C10orf90: variants seen among roughly 807,000 people sequenced by gnomAD.
The protein encoded by C10orf90 is chromosome 10 open reading frame 90.
A neutral mutation model predicts 62.5 loss-of-function variants in C10orf90; 56 were observed. The observed-to-expected ratio is 0.90, with a 90% CI of 0.72 to 1.12. The LOEUF is 1.12. Ranked by LOEUF, C10orf90 falls within the 50% of genes most tolerant of loss-of-function variation. C10orf90 has a pLI of 0.00. For synonymous variants in C10orf90, 386 were observed against 340.4 expected (o/e 1.13, Z -1.47); for missense variants, 970 against 880.4 (o/e 1.10, Z -1.29).
chr10:126,454,259 A>G (rs7070839), intron 7 of C10orf90, among the ~76,000 whole-genome samples: 110,492 of 151,566 alleles, frequency 0.73, 40,818 homozygotes, highest in East Asian at 0.92. Context: ...TGACTTGCAG[A>G]AGATGTATCC....
At chr10:126,590,993 G>A (rs935261514) in intron 2 of C10orf90, among the ~76,000 whole-genome samples, 6 of 152,038 alleles carry the variant, frequency 3.9e-5, no homozygotes, top group Non-Finnish European at 8.8e-5. Context: ...GACTGAACCA[G>A]AAAAAGACTG....
chr10:126,617,987 C>A (rs999044428), intron 2 of C10orf90, among the ~76,000 whole-genome samples: 1 of 152,128 alleles, frequency 6.6e-6, no homozygotes, highest in African/African-American at 2.4e-5. Flanking sequence ...TTATTGAGTG[C>A]CCATAATGGA....
intron 2 of C10orf90, among the ~76,000 whole-genome samples, chr10:126,546,184 G>A (rs1864486805): frequency 6.6e-6 from 1 of 152,180 alleles, no homozygotes; most frequent in Non-Finnish European, 1.5e-5. Context: ...AAAACTTTCA[G>A]ACAATAACCA....
At chr10:126,527,466 G>A (rs541745516) in intron 2 of C10orf90, among the ~76,000 whole-genome samples, 4 of 152,256 alleles carry the variant, frequency 2.6e-5, no homozygotes, top group African/African-American at 9.6e-5. Flanking sequence ...CCCTACCCCT[G>A]CCAATGAGTG....
At chr10:126,531,124 A>G (rs1864082196) in intron 2 of C10orf90, among the ~76,000 whole-genome samples, 1 of 151,592 alleles carries the variant, frequency 6.6e-6, no homozygotes, top group Admixed American at 6.6e-5. Flanking sequence ...CAGTGAGCTG[A>G]GATCACATCA....
chr10:126,598,687 C>G (rs945377451), intron 2 of C10orf90, among the ~76,000 whole-genome samples: 1 of 152,160 alleles, frequency 6.6e-6, no homozygotes, highest in African/African-American at 2.4e-5. Context: ...AGGAAGCAAT[C>G]ATCAACTCAC....
intron 4 of C10orf90, among the ~76,000 whole-genome samples, chr10:126,470,800 GAAGAA>G (rs1436993717): frequency 4.0e-5 from 6 of 151,384 alleles, no homozygotes; most frequent in East Asian, 1.9e-4. Context: ...GAAAGAGAGA[GAAGAA>G]AAGAAAAGAA....
At chr10:126,561,126 G>A (rs1306122646) in intron 2 of C10orf90, among the ~76,000 whole-genome samples, 3 of 152,032 alleles carry the variant, frequency 2.0e-5, no homozygotes, top group Non-Finnish European at 4.4e-5. Flanking sequence ...TGGTCAGAGT[G>A]GACAAACAAT....
chr10:126,530,087 T>C (rs1410013850), intron 2 of C10orf90, among the ~76,000 whole-genome samples: 3 of 152,182 alleles, frequency 2.0e-5, no homozygotes, highest in African/African-American at 4.8e-5. Context: ...ATTGCATCAG[T>C]TTTTAATGGT....
chr10:126,566,986 A>G (rs1844405726), intron 2 of C10orf90, among the ~76,000 whole-genome samples: 1 of 152,156 alleles, frequency 6.6e-6, no homozygotes, highest in Non-Finnish European at 1.5e-5. Context: ...AGACACACCC[A>G]TACTGAGAGG....
chr10:126,660,731 C>G (rs1846492395), intron 1 of C10orf90, among the ~76,000 whole-genome samples: 1 of 152,204 alleles, frequency 6.6e-6, no homozygotes, highest in Admixed American at 6.5e-5. Context: ...ATTTGTTAGG[C>G]AGCAATAAAA....
chr10:126,462,653 T>C (rs1179430637), intron 5 of C10orf90, among the ~76,000 whole-genome samples: 1 of 152,126 alleles, frequency 6.6e-6, no homozygotes, highest in Admixed American at 6.5e-5. Context: ...CAGCACCAGG[T>C]GCCCAAAAGG....
intron 2 of C10orf90, among the ~76,000 whole-genome samples, chr10:126,639,800 T>C (rs1201994192): frequency 6.6e-6 from 1 of 152,246 alleles, no homozygotes; most frequent in African/African-American, 2.4e-5. Flanking sequence ...CCAATTACTT[T>C]TTAAATTAGA....
chr10:126,495,361 C>G (rs113239468), intron 4 of C10orf90, among the ~76,000 whole-genome samples: 1 of 152,146 alleles, frequency 6.6e-6, no homozygotes, highest in Non-Finnish European at 1.5e-5. Context: ...TCTGATGCAC[C>G]TCTCTGGTTA....
intron 3 of C10orf90, 105 bp downstream of exon 3, chr10:126,513,737 AATTTTG>A (rs1863270095): frequency 1.5e-6 from 1 of 677,450 alleles, no homozygotes; most frequent in South Asian, 1.9e-5. Flanking sequence ...ACATTAATTC[AATTTTG>A]ACTAAATAAA....
At chr10:126,431,932 G>C (rs564191225) in intron 7 of C10orf90, among the ~76,000 whole-genome samples, 2 of 152,224 alleles carry the variant, frequency 1.3e-5, no homozygotes, top group African/African-American at 4.8e-5. Context: ...TCAGCCTGCT[G>C]TGCCACACAG....
At chr10:126,444,101 G>A (rs1442913623) in intron 7 of C10orf90, among the ~76,000 whole-genome samples, 1 of 152,022 alleles carries the variant, frequency 6.6e-6, no homozygotes, top group East Asian at 1.9e-4. Flanking sequence ...CATTCCCTCT[G>A]AGAAATGGAA....
chr10:126,445,277 A>G (rs1858685114), intron 7 of C10orf90, among the ~76,000 whole-genome samples: 1 of 152,208 alleles, frequency 6.6e-6, no homozygotes, highest in Non-Finnish European at 1.5e-5. Flanking sequence ...CATCTGACAA[A>G]GGACAAATAT....
chr10:126,596,232 G>A (rs1845083158), intron 2 of C10orf90, among the ~76,000 whole-genome samples: 1 of 151,850 alleles, frequency 6.6e-6, no homozygotes, highest in Non-Finnish European at 1.5e-5. Flanking sequence ...GAGCCCTGGA[G>A]GTCAAGGCTA....
Sources: gnomAD v4.1 joint callset for allele counts (sites outside exome capture counted in the v4.1 genomes callset) on GRCh38, gnomAD v4.1.1 for gene constraint, MANE v1.5 for transcripts, NCBI Gene and HGNC (gene_info 2026-07-23, HGNC 2026-07-21) for gene names.